The following RNF157 variants were observed in gnomAD, a reference collection of about 807,000 sequenced individuals.
The protein encoded by RNF157 is E3 ubiquitin ligase RNF157.
RNF157 carries 55 observed loss-of-function variants against 88.3 expected under a neutral mutation model. That is an observed-to-expected ratio of 0.62 (90% CI 0.50 to 0.78). The LOEUF (loss-of-function observed/expected upper bound fraction) is 0.78, where lower values mean the gene tolerates loss of function less well. RNF157 is among the 30% of genes least tolerant of loss of function. RNF157 has a pLI of 0.00. For missense variants in RNF157, 788 were observed against 860.8 expected, an observed-to-expected ratio of 0.92 and a Z score of 1.06; for synonymous variants, 334 against 341.2, an observed-to-expected ratio of 0.98 and a Z score of 0.23.
chr17:76,194,367 C>T (rs146393106), intron 2 of RNF157, among the ~76,000 whole-genome samples: 247 of 152,282 alleles, frequency 1.6e-3, no homozygotes, highest in African/African-American at 4.8e-3. Context: ...TAGAACACCA[C>T]GCACTCAGCC....
intron 3 of RNF157, among the ~76,000 whole-genome samples, chr17:76,173,292 A>G (rs112467060): frequency 1.3e-5 from 2 of 152,192 alleles, no homozygotes; most frequent in African/African-American, 4.8e-5. Context: ...TCTCAAAAAA[A>G]AAAAGAAAAG....
intron 2 of RNF157, among the ~76,000 whole-genome samples, chr17:76,203,428 C>T (rs2069620970): frequency 6.6e-6 from 1 of 151,382 alleles, no homozygotes; most frequent in Non-Finnish European, 1.5e-5. Flanking sequence ...ATGACCTTTA[C>T]TGCCATAGAA....
chr17:76,234,530 C>T (rs1171589724), intron 1 of RNF157, among the ~76,000 whole-genome samples: 1 of 152,070 alleles, frequency 6.6e-6, no homozygotes, highest in Non-Finnish European at 1.5e-5. Flanking sequence ...TACCAGTACT[C>T]GTCATTATCA....
chr17:76,164,558 G>T, intron 8 of RNF157, 190 bp downstream of exon 8: 4 of 403,478 alleles, frequency 9.9e-6, no homozygotes, highest in East Asian at 3.8e-5. Flanking sequence ...CAAGTCGTTT[G>T]TAATAGCTTG....
intron 6 of RNF157, 152 bp downstream of exon 6, chr17:76,166,309 G>C: frequency 1.5e-6 from 1 of 682,708 alleles, no homozygotes; most frequent in South Asian, 1.7e-5. Flanking sequence ...CAGGAGCTTG[G>C]AGTCACAGAT....
chr17:76,162,511 C>G, intron 9 of RNF157, 41 bp downstream of exon 9: 1 of 1,492,696 alleles, frequency 6.7e-7, no homozygotes, highest in Non-Finnish European at 9.3e-7. Flanking sequence ...CTCACTTGGC[C>G]TCCTGGAAAG....
chr17:76,154,898 A>G (rs192355766), intron 16 of RNF157, among the ~76,000 whole-genome samples: 2 of 152,294 alleles, frequency 1.3e-5, no homozygotes, highest in Admixed American at 1.3e-4. Flanking sequence ...GTATAGGTCT[A>G]TATGTGCCCT....
At chr17:76,205,915 G>A (rs930060372) in intron 2 of RNF157, among the ~76,000 whole-genome samples, 2 of 146,766 alleles carry the variant, frequency 1.4e-5, no homozygotes, top group South Asian at 2.1e-4. Flanking sequence ...TGAGAGGAGC[G>A]GTTTGAACTC....
intron 1 of RNF157, among the ~76,000 whole-genome samples, chr17:76,237,470 C>T (rs1249919248): frequency 6.6e-6 from 1 of 152,218 alleles, no homozygotes. Context: ...GATAAGGAGA[C>T]TTCTCAAAAT....
chr17:76,186,455 C>T lies in RNF157; in HGVS notation c.208-12665G>A, dbSNP rs796441485. On this transcript the variant is annotated intron_variant, in intron 2 of 18. Transcript: ENST00000269391. The stretch of plus-strand genomic sequence containing the variant: ...TGAGGAGGCAGAGGTTGCAGTGAGC[C>T]GAGATCACACCACTGCACTCCAGCC... Among the ~76,000 whole-genome samples, 11 of 148,634 alleles carry T rather than the reference C, an allele frequency of 7.4e-5. 1 individual carries two copies. Among genetic ancestry groups the T allele is most frequent in the Admixed American group, 4.7e-4 (7 of 14,948 alleles).
At chr17:76,154,500 C>T in intron 16 of RNF157, 172 bp from the exon 17 acceptor site, 1 of 619,796 alleles carries the variant, frequency 1.6e-6, no homozygotes, top group Admixed American at 2.8e-5. Context: ...GCAGATCTTG[C>T]TTGGAGAGGC....
chr17:76,218,104 T>C (rs1473911574), intron 1 of RNF157, among the ~76,000 whole-genome samples: 1 of 151,968 alleles, frequency 6.6e-6, no homozygotes, highest in Non-Finnish European at 1.5e-5. Context: ...AACACATAAA[T>C]ATCAAGAAAA....
chr17:76,183,947 T>C (rs1446916903), intron 2 of RNF157, among the ~76,000 whole-genome samples: 3 of 152,198 alleles, frequency 2.0e-5, no homozygotes, highest in African/African-American at 7.2e-5. Context: ...CCCAGCACTT[T>C]GGGAAGCTGA....
intron 16 of RNF157, among the ~76,000 whole-genome samples, chr17:76,154,853 G>A (rs554978109): frequency 6.6e-6 from 1 of 152,254 alleles, no homozygotes; most frequent in East Asian, 1.9e-4. Flanking sequence ...GGTGCAGTGG[G>A]CTGGGGGTAG....
chr17:76,190,320 C>A (rs867693275), intron 2 of RNF157, among the ~76,000 whole-genome samples: 4 of 152,168 alleles, frequency 2.6e-5, no homozygotes, highest in Middle Eastern at 3.4e-3. Context: ...GCACGTGCCA[C>A]CATACCCAGC....
rs1211904451 is a variant in RNF157 at position 76,158,410 on chromosome 17, C to CCGA, written c.1393_1395dup (p.Ser465dup). 6.2e-7 allele frequency: 1 copy of CCGA among 1,612,348 alleles called. No individual in the cohort carries two copies. The highest frequency in any genetic ancestry group is 8.5e-7 in the Non-Finnish European group (1 of 1,178,746). On this transcript the variant is annotated inframe_insertion, in exon 13 of 19. Transcript: ENST00000269391. ...TCAATTACCTCTCCGAGATGCTGAACCGACGGTCTCTGAGAGAGCTGTGTC... is the reference window on the plus strand; with the variant it reads ...TCAATTACCTCTCCGAGATGCTGAACCGACGACGGTCTCTGAGAGAGCTGTGTC...
In RNF157 at chr17:76,152,382, T is replaced by C; in HGVS notation, c.1894A>G (p.Lys632Glu). The C allele has an allele frequency of 6.2e-7, 1 of 1,611,796 alleles. No individual in the cohort carries two copies. The highest frequency in any genetic ancestry group is 8.5e-7 in the Non-Finnish European group (1 of 1,177,862). Reference protein sequence around the residue: ...DIASVKALDNKLCSEVCLPGA... With the variant: ...DIASVKALDNELCSEVCLPGA... Reference sequence around the variant, plus strand: ...GGTAAGCAGACCTCAGAGCACAGCTTATTGTCCAGTGCTTTCACGCTTGCG... The same window carrying C: ...GGTAAGCAGACCTCAGAGCACAGCTCATTGTCCAGTGCTTTCACGCTTGCG... The change falls in exon 18 of 19, where the codon AAG becomes GAG. Residue 632 changes from lysine (K) to glutamate (E), a missense_variant. Physicochemically the swap from Lys to Glu is moderately conservative, Grantham distance 56. Coordinates refer to ENST00000269391, the MANE Select transcript of RNF157 (RefSeq NM_052916.3).
chr17:76,190,564 C>CT (rs1350542284), intron 2 of RNF157, among the ~76,000 whole-genome samples: 1 of 150,070 alleles, frequency 6.7e-6, no homozygotes, highest in Non-Finnish European at 1.5e-5. Context: ...GATCATGCCA[C>CT]TGCACTCCAG....
chr17:76,191,496 A>G (rs1381121805), intron 2 of RNF157, among the ~76,000 whole-genome samples: 1 of 150,736 alleles, frequency 6.6e-6, no homozygotes, highest in Non-Finnish European at 1.5e-5. Flanking sequence ...CCAGTTACTC[A>G]GGAGGCTGAG....
Sources: allele counts gnomAD v4.1 joint callset (sites outside exome capture counted in the v4.1 genomes callset), GRCh38; gene constraint gnomAD v4.1.1; transcripts MANE v1.5; gene names NCBI Gene and HGNC (gene_info 2026-07-23, HGNC 2026-07-21).